GRB10: variants seen among roughly 807,000 people sequenced by gnomAD.
The protein encoded by GRB10 is growth factor receptor-bound protein 10.
Under a neutral mutation model 80.9 loss-of-function variants are expected in GRB10, and 20 were observed. That is an observed-to-expected ratio of 0.25 (90% CI 0.17 to 0.36). The LOEUF is 0.36. Ranked by LOEUF, GRB10 falls within the 10% of genes least tolerant of loss-of-function variation. The pLI is 1.00. For synonymous variants in GRB10, 291 were observed against 291.5 expected (o/e 1.00, Z 0.02); for missense variants, 548 against 747.7 (o/e 0.73, Z 3.12).
chr7:50,781,191 G>C (rs2078232695), intron 1 of GRB10: 2 of 152,302 alleles, frequency 1.3e-5, no homozygotes, highest in African/African-American at 4.8e-5. Context: ...GGTAGCACAA[G>C]ATGGGGAGGG....
intron 7 of GRB10, among the ~76,000 whole-genome samples, chr7:50,667,830 A>C (rs2059963383): frequency 6.6e-6 from 1 of 152,206 alleles, no homozygotes; most frequent in Non-Finnish European, 1.5e-5. Flanking sequence ...AAACACCAGC[A>C]GGCAAAATTC....
intron 4 of GRB10, among the ~76,000 whole-genome samples, chr7:50,714,039 TCCA>T (rs1441720612): frequency 2.0e-5 from 3 of 151,354 alleles, no homozygotes; most frequent in East Asian, 2.0e-4. Context: ...CTCCTCCCCC[TCCA>T]CCACCACCTC....
intron 2 of GRB10, among the ~76,000 whole-genome samples, chr7:50,775,161 CA>C (rs777553621): frequency 2.9e-4 from 9 of 31,016 alleles, no homozygotes; most frequent in Non-Finnish European, 4.5e-4. Flanking sequence ...ATCCTGTCTC[CA>C]AAAAAAAAAA....
chr7:50,593,033 G>A lies in GRB10; in HGVS notation c.1704C>T (p.Ile568=), dbSNP rs1439811661. The change falls in exon 19 of 19, where the codon ATC becomes ATT. Residue 568 remains isoleucine, a synonymous_variant. Transcript: ENST00000401949. ...DDGNTKFSDL[I]QLVDFYQLNK... ...TCAGCTGGTAAAAGTCAACCAGCTG[G>A]ATCAGGTCAGAGAATTTGGTGTTCC... The A allele has an allele frequency of 6.2e-7, 1 of 1,614,052 alleles. No homozygotes were observed. The highest frequency in any genetic ancestry group is 2.2e-5 in the East Asian group (1 of 44,888).
At chr7:50,611,862 T>G (rs559525569) in intron 13 of GRB10, among the ~76,000 whole-genome samples, 1 of 152,196 alleles carries the variant, frequency 6.6e-6, no homozygotes, top group African/African-American at 2.4e-5. Flanking sequence ...TTGGCTCCAG[T>G]TGACTAAACG....
At position 50,626,718 on chromosome 7, in the gene GRB10, G is replaced by A. The variant is rs571473485; in HGVS notation, c.661+104C>T. The A allele has an allele frequency of 1.4e-5, 19 of 1,319,230 alleles. No homozygotes were observed. The East Asian group carries it at 1.6e-4, about 11-fold the overall frequency. The allele number at this position is 1,319,230 out of a possible 1,614,324, so 81.7% of individuals were successfully genotyped here. On this transcript the variant is annotated intron_variant, in intron 8 of 18. Coordinates refer to ENST00000401949, the MANE Select transcript of GRB10 (RefSeq NM_001350814.2). ...AACCCAGAGACTGCCTGCTAATTTC[G>A]CAGGGGACACTGCGGTCACACATTT...
At chr7:50,689,446 T>C (rs1476869660) in intron 5 of GRB10, among the ~76,000 whole-genome samples, 1 of 152,192 alleles carries the variant, frequency 6.6e-6, no homozygotes, top group South Asian at 2.1e-4. Flanking sequence ...TTGGTCAGGC[T>C]GAATCCAAAG....
rs532007524 is a variant in GRB10, at chr7:50,645,013, C to T, written c.505-18035G>A. Among the ~76,000 whole-genome samples the T allele has an allele frequency of 7.2e-5, 11 of 152,212 alleles. No homozygotes were observed. In the South Asian group the frequency reaches 1.5e-3, roughly 20 times the overall value. On this transcript the variant is annotated intron_variant, in intron 7 of 18. Coordinates refer to ENST00000401949, the MANE Select transcript of GRB10 (RefSeq NM_001350814.2). ...TCCCCAGTACCATCTCCAGTCTGGA[C>T]GACGCAGAAAATGACAGCCATGAGA... is the stretch of plus-strand genomic sequence containing the variant.
intron 7 of GRB10, among the ~76,000 whole-genome samples, chr7:50,643,155 A>G (rs2056586923): frequency 6.6e-6 from 1 of 152,206 alleles, no homozygotes; most frequent in African/African-American, 2.4e-5. Context: ...TGAAAGGCCA[A>G]CTTTTTGTAA....
intron 17 of GRB10, among the ~76,000 whole-genome samples, chr7:50,603,149 G>C (rs1403984702): frequency 6.6e-6 from 1 of 152,172 alleles, no homozygotes; most frequent in Admixed American, 6.5e-5. Flanking sequence ...ACCCCGTATG[G>C]GACAGCTCCC....
At chr7:50,761,472 A>G (rs991515358) in intron 2 of GRB10, among the ~76,000 whole-genome samples, 4 of 152,188 alleles carry the variant, frequency 2.6e-5, no homozygotes, top group Non-Finnish European at 5.9e-5. Flanking sequence ...TGAGGTATAA[A>G]TAAGGAACCC....
At chr7:50,734,942 G>A (rs112256551) in intron 3 of GRB10, among the ~76,000 whole-genome samples, 2,994 of 152,280 alleles carry the variant, frequency 0.02, 113 homozygotes, top group African/African-American at 0.068. Context: ...CATAGTATTG[G>A]AAGTCCTCGC....
chr7:50,617,921 T>A, intron 10 of GRB10, 150 bp downstream of exon 10: 1 of 735,162 alleles, frequency 1.4e-6, no homozygotes, highest in Non-Finnish European at 2.4e-6. Context: ...CTCTAAACCC[T>A]CCCCCCAACC....
chr7:50,632,603 G>A (rs1291320369), intron 7 of GRB10, among the ~76,000 whole-genome samples: 1 of 152,220 alleles, frequency 6.6e-6, no homozygotes, highest in African/African-American at 2.4e-5. Flanking sequence ...GGTTTCCGTT[G>A]CAGGGAGTCC....
intron 14 of GRB10, 60 bp from the exon 15 acceptor site, chr7:50,605,466 G>T: frequency 7.7e-7 from 1 of 1,306,346 alleles, no homozygotes; most frequent in Non-Finnish European, 1.1e-6. Context: ...TGGAGTCTTG[G>T]CATGAAACTA....
At chr7:50,630,539 G>A (rs2053805085) in intron 7 of GRB10, among the ~76,000 whole-genome samples, 1 of 152,194 alleles carries the variant, frequency 6.6e-6, no homozygotes, top group Non-Finnish European at 1.5e-5. Context: ...AACCACCGAA[G>A]GGTGCAGGGG....
intron 2 of GRB10, among the ~76,000 whole-genome samples, chr7:50,776,375 G>A (rs1386681789): frequency 6.9e-6 from 1 of 144,212 alleles, no homozygotes; most frequent in African/African-American, 2.9e-5. Flanking sequence ...ACCACACTCC[G>A]CTAATTTTTT....
chr7:50,792,691 T>C (rs2078980341), intron 1 of GRB10: 9 of 376,306 alleles, frequency 2.4e-5, no homozygotes, highest in Admixed American at 2.3e-4. Flanking sequence ...GCTCGGGATT[T>C]GGGAGTGTCT....
At chr7:50,717,084 C>T (rs971388502) in intron 4 of GRB10, among the ~76,000 whole-genome samples, 10 of 152,256 alleles carry the variant, frequency 6.6e-5, no homozygotes, top group African/African-American at 2.2e-4. Context: ...ATACCCATTT[C>T]AAAAAGTTTG....
Sources: gnomAD v4.1 joint callset for allele counts (sites outside exome capture counted in the v4.1 genomes callset) on GRCh38, gnomAD v4.1.1 for gene constraint, MANE v1.5 for transcripts, NCBI Gene and HGNC (gene_info 2026-07-23, HGNC 2026-07-21) for gene names.